KMT2C: variants seen among roughly 807,000 people sequenced by gnomAD.
KMT2C encodes the protein lysine methyltransferase 2C, also known as histone-lysine N-methyltransferase 2C.
In KMT2C, 88 loss-of-function variants were observed where a neutral mutation model predicts 507.9. The observed-to-expected ratio is 0.17, with a 90% CI of 0.15 to 0.21. The LOEUF (loss-of-function observed/expected upper bound fraction) is 0.21. Ranked by LOEUF, KMT2C falls within the 10% of genes least tolerant of loss-of-function variation. The pLI, the probability that KMT2C is intolerant of heterozygous loss-of-function variation, is 1.00. For missense variants in KMT2C, 4,954 were observed against 5,957.8 expected (o/e 0.83, Z 5.55); for synonymous variants, 2,049 against 2,080.8 (o/e 0.98, Z 0.42).
At chr7:152,271,658 T>C (rs112238741) in intron 7 of KMT2C, among the ~76,000 whole-genome samples, 44 of 123,366 alleles carry the variant, frequency 3.6e-4, no homozygotes, top group Middle Eastern at 4.8e-3. Context: ...AGAGTGACAG[T>C]GCGAGACTCC....
chr7:152,297,047 AAGAAAGAC>A (rs1226423054), intron 6 of KMT2C, among the ~76,000 whole-genome samples: 13 of 68,974 alleles, frequency 1.9e-4, no homozygotes, highest in East Asian at 1.7e-3. Context: ...GAAAGAAAGA[AAGAAAGAC>A]AGAGAGAGAG....
intron 31 of KMT2C, among the ~76,000 whole-genome samples, chr7:152,188,737 G>A: frequency 6.6e-6 from 1 of 150,808 alleles, no homozygotes; most frequent in Non-Finnish European, 1.5e-5. Flanking sequence ...AGCCTCCTGA[G>A]TAGTTGGAAT....
chr7:152,379,478 CAGT>C (rs554258309), intron 1 of KMT2C, among the ~76,000 whole-genome samples: 68 of 152,056 alleles, frequency 4.5e-4, no homozygotes, highest in African/African-American at 1.6e-3. Flanking sequence ...GTGGAGGTTG[CAGT>C]GAGCCGAGAT....
chr7:152,226,846 A>C (rs2094949329), intron 18 of KMT2C, among the ~76,000 whole-genome samples: 1 of 152,216 alleles, frequency 6.6e-6, no homozygotes, highest in African/African-American at 2.4e-5. Context: ...TATTTCAATA[A>C]AAGTTTATTT....
At chr7:152,389,372 A>AAC (rs71198781) in intron 1 of KMT2C, among the ~76,000 whole-genome samples, 8 of 151,510 alleles carry the variant, frequency 5.3e-5, no homozygotes, top group African/African-American at 1.7e-4. Context: ...AAAAAAAAAA[A>AAC]TACTGTCACT....
At chr7:152,317,508 A>G (rs554441502) in intron 3 of KMT2C, among the ~76,000 whole-genome samples, 4 of 152,362 alleles carry the variant, frequency 2.6e-5, no homozygotes, top group Admixed American at 6.5e-5. Flanking sequence ...ACACTTCCAT[A>G]AAGAAATGTG....
At chr7:152,287,763 C>A (rs2096328977) in intron 6 of KMT2C, among the ~76,000 whole-genome samples, 3 of 152,080 alleles carry the variant, frequency 2.0e-5, no homozygotes, top group Admixed American at 1.3e-4. Context: ...GTGGCTCACG[C>A]CTGCAATCCC....
chr7:152,176,526 A>G lies in KMT2C; in HGVS notation c.8927T>C (p.Val2976Ala), dbSNP rs2129113200. ...DNAMNSNVTV[V>A]SRVNHVFSQG... The stretch of plus-strand genomic sequence containing the variant: ...AGAAAAAACATGGTTTACCCTAGAG[A>G]CTACTGTCACATTAGAATTCATGGC... The change falls in exon 38 of 59, where the codon GTC (valine) becomes GCC (alanine). Residue 2976 changes from valine (V) to alanine (A), a missense_variant. Physicochemically the swap from Val to Ala is moderately conservative, Grantham distance 64. Transcript: ENST00000262189. 1.2e-6 allele frequency: 2 copies of G among 1,614,064 alleles called. No homozygotes were observed. Among genetic ancestry groups the G allele is most frequent in the Non-Finnish European group, 1.7e-6 (2 of 1,180,000 alleles).
At chr7:152,349,138 T>C (rs1248241846) in intron 2 of KMT2C, among the ~76,000 whole-genome samples, 2 of 152,066 alleles carry the variant, frequency 1.3e-5, no homozygotes, top group African/African-American at 4.8e-5. Flanking sequence ...AAATGCACTA[T>C]CAAGACATGA....
intron 6 of KMT2C, among the ~76,000 whole-genome samples, chr7:152,276,499 T>A (rs111918149): frequency 3.4e-5 from 5 of 148,252 alleles, no homozygotes; most frequent in Admixed American, 6.8e-5. Flanking sequence ...ATGCTTTTAA[T>A]CCCAGCACTT....
At chr7:152,179,490 G>C (rs1387217843) in intron 37 of KMT2C, among the ~76,000 whole-genome samples, 3 of 152,158 alleles carry the variant, frequency 2.0e-5, no homozygotes, top group African/African-American at 7.2e-5. Flanking sequence ...TTCAGAGTCT[G>C]TAGAGTTCTT....
rs571040727 is a variant in KMT2C at position 152,296,629 on chromosome 7, A to C, written c.849+13337T>G. Among the ~76,000 whole-genome samples the C allele has an allele frequency of 1.7e-4, 26 of 152,170 alleles. 1 individual carries two copies. The South Asian group carries it at 5.2e-3, about 30-fold the overall frequency. On this transcript the variant is annotated intron_variant, in intron 6 of 58. Transcript: ENST00000262189. Reference sequence around the variant, plus strand: ...GCTCATGAGAGGAACTGGATCAAGAAAGAGACCAATATGTTCTGGATGCAC... The same window carrying C: ...GCTCATGAGAGGAACTGGATCAAGACAGAGACCAATATGTTCTGGATGCAC...
intron 18 of KMT2C, among the ~76,000 whole-genome samples, chr7:152,227,747 G>A (rs2094977945): frequency 6.6e-6 from 1 of 152,194 alleles, no homozygotes; most frequent in South Asian, 2.1e-4. Flanking sequence ...GAAGTCTTTG[G>A]TGGAACACCA....
intron 15 of KMT2C, among the ~76,000 whole-genome samples, chr7:152,237,721 G>C (rs141695041): frequency 0.018 from 2,706 of 152,166 alleles, 41 homozygotes; most frequent in Non-Finnish European, 0.028. Flanking sequence ...GGTTGGCCTC[G>C]AACTCCTGAC....
chr7:152,250,374 T>TC (rs1169050130), intron 12 of KMT2C, among the ~76,000 whole-genome samples: 2 of 152,114 alleles, frequency 1.3e-5, no homozygotes, highest in Admixed American at 6.5e-5. Flanking sequence ...CAAGTAGTTT[T>TC]CCCCCAACAT....
chr7:152,217,228 C>T (rs879689731), intron 23 of KMT2C, among the ~76,000 whole-genome samples: 13 of 152,104 alleles, frequency 8.5e-5, no homozygotes, highest in Non-Finnish European at 1.5e-4. Flanking sequence ...TAAGAACTTA[C>T]GATGATTGTA....
chr7:152,399,925 A>C lies in KMT2C; in HGVS notation c.161+35701T>G, dbSNP rs575916784. On this transcript the variant is annotated intron_variant, in intron 1 of 58. Coordinates refer to ENST00000262189, the MANE Select transcript of KMT2C (RefSeq NM_170606.3). ...GAAGAGATGGCCAGACCAAAAAAAA[A>C]CAAACAAACAAACAGACAAAAATAT... 2.2e-4 allele frequency among the ~76,000 whole-genome samples: 34 copies of C among 152,140 alleles called. No homozygotes were observed. In the East Asian group the frequency reaches 3.9e-3, roughly 17 times the overall value.
chr7:152,195,668 AG>A, intron 28 of KMT2C: 1 of 433,538 alleles, frequency 2.3e-6, no homozygotes, highest in Non-Finnish European at 3.1e-6. Flanking sequence ...CAAGACTTTA[AG>A]GCAACATGCC....
chr7:152,367,619 C>A, intron 1 of KMT2C: 1 of 1,377,016 alleles, frequency 7.3e-7, no homozygotes, highest in Non-Finnish European at 1.0e-6. Context: ...ATTAAAAAGA[C>A]TATACAGGTG....
Sources: gnomAD v4.1 joint callset for allele counts (sites outside exome capture counted in the v4.1 genomes callset) on GRCh38, gnomAD v4.1.1 for gene constraint, MANE v1.5 for transcripts, NCBI Gene and HGNC (gene_info 2026-07-23, HGNC 2026-07-21) for gene names.